Variants in CDH4 observed in about 807,000 individuals in gnomAD.
CDH4 encodes cadherin-4.
In CDH4, 33 loss-of-function variants were observed where a neutral mutation model predicts 86.0. That is an observed-to-expected ratio of 0.38 (90% confidence interval 0.29 to 0.51). The LOEUF (loss-of-function observed/expected upper bound fraction) is 0.51. Among genes scored for constraint, CDH4 ranks in the 20% least tolerant of loss-of-function variants. The probability of loss-of-function intolerance (pLI) is 0.86; values close to 1 mark genes in which losing one functional copy is unlikely to be tolerated. For missense variants in CDH4, 1,114 were observed against 1,307.4 expected (o/e 0.85, Z 2.28); for synonymous variants, 555 against 549.4 (o/e 1.01, Z -0.14).
intron 2 of CDH4, among the ~76,000 whole-genome samples, chr20:61,617,346 C>T (rs1020169536): frequency 6.6e-6 from 1 of 152,178 alleles, no homozygotes; most frequent in Non-Finnish European, 1.5e-5. Context: ...GCAGTTAAGG[C>T]ATGAATTGTC....
At chr20:61,791,084 C>T (rs867812366) in intron 4 of CDH4, among the ~76,000 whole-genome samples, 10 of 152,338 alleles carry the variant, frequency 6.6e-5, no homozygotes, top group African/African-American at 2.4e-4. Context: ...CGCTTAAGGC[C>T]TTTCAAGTAA....
At chr20:61,360,548 G>A (rs1451213389) in intron 2 of CDH4, among the ~76,000 whole-genome samples, 3 of 152,194 alleles carry the variant, frequency 2.0e-5, no homozygotes, top group Non-Finnish European at 4.4e-5. Flanking sequence ...GGAGCAGGGG[G>A]CCATGGGAGT....
At chr20:61,455,030 T>A (rs2085400076) in intron 2 of CDH4, among the ~76,000 whole-genome samples, 1 of 152,222 alleles carries the variant, frequency 6.6e-6, no homozygotes, top group Admixed American at 6.5e-5. Context: ...GTTTCTAGTT[T>A]ATTCAGTTAT....
chr20:61,839,055 G>C (rs950278878), intron 4 of CDH4, among the ~76,000 whole-genome samples: 2 of 152,176 alleles, frequency 1.3e-5, no homozygotes, highest in African/African-American at 2.4e-5. Flanking sequence ...AAGGGTCTGC[G>C]ATCTGTTTTC....
chr20:61,324,124 C>T (rs1165996670), intron 2 of CDH4, among the ~76,000 whole-genome samples: 1 of 152,084 alleles, frequency 6.6e-6, no homozygotes, highest in African/African-American at 2.4e-5. Context: ...TGAGTAGGGA[C>T]CCAGATCGTC....
chr20:61,679,113 AGG>A (rs1330430151), intron 2 of CDH4, among the ~76,000 whole-genome samples: 6 of 152,148 alleles, frequency 3.9e-5, no homozygotes. Context: ...CACGGTGACA[AGG>A]GTCAGAAATG....
chr20:61,303,394 G>C (rs912256622), intron 2 of CDH4, among the ~76,000 whole-genome samples: 1 of 152,208 alleles, frequency 6.6e-6, no homozygotes, highest in Non-Finnish European at 1.5e-5. Context: ...GGGCAGGGGT[G>C]GGGGACAGCA....
Position 61,791,791 on chromosome 20 carries a change from A to G in CDH4, c.576+18609A>G, listed in dbSNP as rs570873321. 3.3e-5 allele frequency among the ~76,000 whole-genome samples: 5 copies of G among 152,170 alleles called. No individual in the cohort carries two copies. In the South Asian group the frequency reaches 1.0e-3, roughly 32 times the overall value. ...GCATGGCAAGGAGCCGGCTGTGCAC[A>G]GGTCAGGCAGAGACCCGCAAGTGCA... is the stretch of plus-strand genomic sequence containing the variant. On this transcript the variant is annotated intron_variant, in intron 4 of 15. Transcript: ENST00000614565.
intron 2 of CDH4, among the ~76,000 whole-genome samples, chr20:61,491,335 C>T (rs1282173290): frequency 1.3e-5 from 2 of 152,180 alleles, no homozygotes; most frequent in African/African-American, 4.8e-5. Context: ...TCATCACCTC[C>T]AGCCAAGGTG....
At chr20:61,722,209 A>G (rs925157926) in intron 2 of CDH4, among the ~76,000 whole-genome samples, 3 of 151,932 alleles carry the variant, frequency 2.0e-5, no homozygotes, top group Non-Finnish European at 2.9e-5. Flanking sequence ...TTTTCTTTGT[A>G]AGTGACATTG....
intron 8 of CDH4, among the ~76,000 whole-genome samples, chr20:61,905,363 G>A (rs561776722): frequency 3.3e-5 from 5 of 152,206 alleles, no homozygotes; most frequent in Non-Finnish European, 7.3e-5. Flanking sequence ...GGGAATGGAC[G>A]CAGAGAGCGC....
rs1023540727 is a variant in CDH4 at position 61,852,766 on chromosome 20, G to A, written c.745G>A (p.Ala249Thr). 3.7e-6 allele frequency: 6 copies of A among 1,612,340 alleles called. No homozygotes were observed. Among genetic ancestry groups the A allele is most frequent in the Admixed American group, 1.7e-5 (1 of 59,934 alleles). ...EHASYHLRAHAVDMNGNKVEN... is the reference protein window; with the variant it reads ...EHASYHLRAHTVDMNGNKVEN... ...GCTGCTTTTCCAGCTCCGAGCCCAC[G>A]CTGTGGACATGAATGGCAACAAGGT... Residue 249 changes from alanine to threonine, a missense_variant, in exon 6 of 16, where the codon GCT becomes ACT. By Grantham distance (58) the Ala-to-Thr change is moderately conservative. Transcript: ENST00000614565.
chr20:61,313,250 C>A (rs2084457596), intron 2 of CDH4, among the ~76,000 whole-genome samples: 1 of 152,176 alleles, frequency 6.6e-6, no homozygotes, highest in African/African-American at 2.4e-5. Flanking sequence ...AGTGGTTCAG[C>A]ATGCTTCACT....
intron 2 of CDH4, among the ~76,000 whole-genome samples, chr20:61,298,570 C>T (rs1423613234): frequency 2.0e-5 from 3 of 152,058 alleles, no homozygotes; most frequent in African/African-American, 4.8e-5. Flanking sequence ...TACCCTGAGG[C>T]CCTGGGACTC....
At position 61,392,168 on chromosome 20, in the gene CDH4, C is replaced by T. The variant is rs892888043; in HGVS notation, c.169+137231C>T. Among the ~76,000 whole-genome samples the T allele has an allele frequency of 2.0e-5, 3 of 151,634 alleles. No individual in the cohort carries two copies. The highest frequency in any genetic ancestry group is 4.4e-5 in the Non-Finnish European group (3 of 67,988). ...AGGAGGTGAACCCGGGCATGTGACA[C>T]GGTCACAGGGACTCCTCCAGTGGTT... On this transcript the variant is annotated intron_variant, in intron 2 of 15. Coordinates refer to ENST00000614565, the MANE Select transcript of CDH4 (RefSeq NM_001794.5). This position sits in a 1 kb window ranked among gnomAD's most constrained non-coding sequence, Gnocchi z 5.7.
chr20:61,821,366 TCTCA>T (rs1161703902), intron 4 of CDH4, among the ~76,000 whole-genome samples: 3 of 10,994 alleles, frequency 2.7e-4, no homozygotes, highest in South Asian at 3.2e-3. Flanking sequence ...TCCAGTCCCC[TCTCA>T]CTCCCTACGC....
chr20:61,515,532 T>G (rs2085812391), intron 2 of CDH4, among the ~76,000 whole-genome samples: 1 of 152,188 alleles, frequency 6.6e-6, no homozygotes, highest in Non-Finnish European at 1.5e-5. Flanking sequence ...AGCTGCCTGT[T>G]GGGAGTCGGT....
Position 61,518,716 on chromosome 20 carries a change from A to G in CDH4, c.170-224847A>G, listed in dbSNP as rs1306349202. Among the ~76,000 whole-genome samples the G allele has an allele frequency of 1.3e-5, 2 of 150,088 alleles. No individual in the cohort carries two copies. The highest frequency in any genetic ancestry group is 2.5e-5 in the African/African-American group (1 of 40,514). The stretch of plus-strand genomic sequence containing the variant: ...CTACCTATCTGTTGTTCAATCATCC[A>G]TCCGTTCATCCACCCATCATCCATT... On this transcript the variant is annotated intron_variant, in intron 2 of 15. Transcript: ENST00000614565. This position sits in a 1 kb window ranked among gnomAD's most constrained non-coding sequence, Gnocchi z 6.3.
intron 3 of CDH4, among the ~76,000 whole-genome samples, chr20:61,745,729 G>A (rs748342567): frequency 6.6e-5 from 10 of 151,924 alleles, no homozygotes; most frequent in Non-Finnish European, 8.8e-5. Flanking sequence ...GAGCTGTGCC[G>A]GGACACTGAC....
Sources: gnomAD v4.1 joint callset for allele counts (sites outside exome capture counted in the v4.1 genomes callset) on GRCh38, gnomAD v4.1.1 for gene constraint, Gnocchi (gnomAD v3.1) non-coding constraint, MANE v1.5 for transcripts, NCBI Gene and HGNC (gene_info 2026-07-23, HGNC 2026-07-21) for gene names.